TRHDE: variants seen among roughly 807,000 people sequenced by gnomAD.
TRHDE encodes thyrotropin-releasing hormone-degrading ectoenzyme.
TRHDE carries 72 observed loss-of-function variants against 125.7 expected under a neutral mutation model. The ratio of observed to expected loss-of-function variants is 0.57; its 90% CI spans 0.47 to 0.70. The LOEUF (loss-of-function observed/expected upper bound fraction) is 0.70, where lower values mean the gene tolerates loss of function less well. Among genes scored for constraint, TRHDE ranks in the 30% least tolerant of loss-of-function variants. The pLI is 0.00. For missense variants in TRHDE, 1,110 were observed against 1,327.1 expected (o/e 0.84, Z 2.54); for synonymous variants, 509 against 509.1 (o/e 1.00, Z 0.00).
At chr12:72,480,393 T>C (rs1035410687) in intron 5 of TRHDE, among the ~76,000 whole-genome samples, 2 of 152,078 alleles carry the variant, frequency 1.3e-5, no homozygotes, top group African/African-American at 4.8e-5. Context: ...TGGTTTTGAT[T>C]TGCATTTCTC....
At chr12:72,488,314 G>A (rs1013671481) in intron 5 of TRHDE, among the ~76,000 whole-genome samples, 5 of 151,982 alleles carry the variant, frequency 3.3e-5, no homozygotes, top group African/African-American at 9.7e-5. Context: ...GTGAAAGGGT[G>A]GAAGGACTCC....
chr12:72,275,300 A>C (rs1280728075), intron 1 of TRHDE, among the ~76,000 whole-genome samples: 2 of 152,216 alleles, frequency 1.3e-5, no homozygotes, highest in African/African-American at 4.8e-5. Context: ...TTATTTATAG[A>C]GTTCTATGAA....
intron 2 of TRHDE, chr12:72,309,576 G>A (rs1244110497): frequency 6.6e-6 from 1 of 152,078 alleles, no homozygotes; most frequent in East Asian, 1.9e-4. Flanking sequence ...TACTATACTT[G>A]GAGACAGTTG....
At chr12:72,128,355 A>C (rs1384286008) in intron 2 of TRHDE, among the ~76,000 whole-genome samples, 2 of 152,126 alleles carry the variant, frequency 1.3e-5, no homozygotes, top group African/African-American at 2.4e-5. Context: ...AACAACATTC[A>C]TAGAAACACA....
intron 2 of TRHDE, among the ~76,000 whole-genome samples, chr12:72,364,988 A>G (rs1208705594): frequency 6.6e-6 from 1 of 152,118 alleles, no homozygotes; most frequent in African/African-American, 2.4e-5. Context: ...CAAAAGAGGT[A>G]GTCTGTTTCA....
chr12:72,284,024 C>T (rs1384149473), intron 1 of TRHDE, among the ~76,000 whole-genome samples: 2 of 151,914 alleles, frequency 1.3e-5, no homozygotes, highest in Non-Finnish European at 2.9e-5. Context: ...TGAGTATCCC[C>T]ACTCCAAAAA....
At chr12:72,170,223 A>T (rs777411827) in intron 2 of TRHDE, among the ~76,000 whole-genome samples, 1 of 152,184 alleles carries the variant, frequency 6.6e-6, no homozygotes, top group African/African-American at 2.4e-5. Context: ...CTTCTGAAGT[A>T]GATAACAAGA....
intron 2 of TRHDE, among the ~76,000 whole-genome samples, chr12:72,374,292 A>AGT (rs148577049): frequency 0.085 from 11,346 of 133,934 alleles, 450 homozygotes; most frequent in South Asian, 0.14. Flanking sequence ...TAGAAGGAGA[A>AGT]GTGTGTGTGT....
intron 2 of TRHDE, among the ~76,000 whole-genome samples, chr12:72,220,342 T>C (rs1877977847): frequency 6.6e-6 from 1 of 152,170 alleles, no homozygotes; most frequent in Non-Finnish European, 1.5e-5. Flanking sequence ...CTAAAACATA[T>C]AGTCTAGGCT....
intron 6 of TRHDE, among the ~76,000 whole-genome samples, chr12:72,500,547 A>C (rs1473000719): frequency 2.0e-5 from 3 of 152,016 alleles, no homozygotes; most frequent in Non-Finnish European, 4.4e-5. Context: ...ATGTTCCACT[A>C]TGCCTGGCTA....
intron 6 of TRHDE, among the ~76,000 whole-genome samples, chr12:72,535,837 C>T (rs1206812162): frequency 2.0e-5 from 3 of 152,096 alleles, no homozygotes; most frequent in Non-Finnish European, 4.4e-5. Context: ...AGTGCAGAAA[C>T]ATCATTTACA....
intron 5 of TRHDE, among the ~76,000 whole-genome samples, chr12:72,481,505 T>C (rs961489202): frequency 1.3e-5 from 2 of 151,760 alleles, no homozygotes; most frequent in African/African-American, 4.8e-5. Context: ...ATTAATTCAC[T>C]GTGAAATAGA....
At chr12:72,475,900 A>G (rs894107554) in intron 5 of TRHDE, among the ~76,000 whole-genome samples, 5 of 151,970 alleles carry the variant, frequency 3.3e-5, no homozygotes, top group African/African-American at 1.2e-4. Context: ...TCTTATTATG[A>G]TGGGTTTTTT....
At position 72,353,717 on chromosome 12, in the gene TRHDE, T is replaced by C. The variant is rs192323208; in HGVS notation, c.1189-24278T>C. On this transcript the variant is annotated intron_variant, in intron 2 of 18. Coordinates refer to ENST00000261180, the MANE Select transcript of TRHDE (RefSeq NM_013381.3). ...TCACTAATTATCAGAAAAATATATA[T>C]TAAAATAATAACAAAATATACCTTA... Among the ~76,000 whole-genome samples the C allele has an allele frequency of 2.0e-5, 3 of 151,630 alleles. No homozygotes were observed. In the East Asian group the frequency reaches 5.8e-4, roughly 30 times the overall value.
At chr12:72,116,805 T>G (rs1875455457) in intron 2 of TRHDE, among the ~76,000 whole-genome samples, 1 of 152,176 alleles carries the variant, frequency 6.6e-6, no homozygotes, top group Admixed American at 6.5e-5. Context: ...TGATGATAGT[T>G]TCTTTAGCTG....
chr12:72,510,386 C>T (rs1450738274), intron 6 of TRHDE, among the ~76,000 whole-genome samples: 1 of 152,072 alleles, frequency 6.6e-6, no homozygotes, highest in African/African-American at 2.4e-5. Flanking sequence ...TATATGATGG[C>T]AATAATAGGC....
intron 12 of TRHDE, chr12:72,611,229 C>A: frequency 5.3e-6 from 1 of 189,324 alleles, no homozygotes. Context: ...GTGTTATCAC[C>A]AGAGCACACA....
intron 2 of TRHDE, among the ~76,000 whole-genome samples, chr12:72,316,422 G>C (rs565991218): frequency 6.6e-6 from 1 of 152,224 alleles, no homozygotes; most frequent in African/African-American, 2.4e-5. Flanking sequence ...ATGTGCTCAA[G>C]TCATATGCTT....
intron 3 of TRHDE, among the ~76,000 whole-genome samples, chr12:72,405,913 G>T (rs1339717181): frequency 6.6e-6 from 1 of 152,114 alleles, no homozygotes; most frequent in East Asian, 1.9e-4. Context: ...CCTTTGCTTT[G>T]TAGGACTTGC....
Sources: allele counts gnomAD v4.1 joint callset (sites outside exome capture counted in the v4.1 genomes callset), GRCh38; gene constraint gnomAD v4.1.1; transcripts MANE v1.5; gene names NCBI Gene and HGNC (gene_info 2026-07-23, HGNC 2026-07-21).